The following MAP3K8 variants were observed in gnomAD, a reference collection of about 807,000 sequenced individuals.
MAP3K8 encodes Ewing sarcoma transformant.
Under a neutral mutation model 45.8 loss-of-function variants are expected in MAP3K8, and 22 were observed. The observed-to-expected ratio is 0.48, with a 90% confidence interval of 0.34 to 0.69. MAP3K8 has a LOEUF of 0.69. MAP3K8 is among the 30% of genes least tolerant of loss of function. The pLI, the probability that MAP3K8 is intolerant of heterozygous loss-of-function variation, is 0.01. For missense variants in MAP3K8, 419 were observed against 585.0 expected (o/e 0.72, Z 2.93); for synonymous variants, 223 against 214.3 (o/e 1.04, Z -0.36).
chr10:30,446,511 G>A (rs1215958106), intron 3 of MAP3K8, among the ~76,000 whole-genome samples: 1 of 149,668 alleles, frequency 6.7e-6, no homozygotes, highest in Non-Finnish European at 1.5e-5. Context: ...CTCCAGCCTA[G>A]GCAACAGAGC....
At chr10:30,448,047 AT>A in intron 4 of MAP3K8, 98 bp downstream of exon 4, 1 of 1,111,892 alleles carries the variant, frequency 9.0e-7, no homozygotes, top group Non-Finnish European at 1.3e-6. Context: ...TTATCGTTTG[AT>A]TGGGTCTTAT....
intron 6 of MAP3K8, among the ~76,000 whole-genome samples, chr10:30,453,954 A>AGGAAGGAAGGAAGGAG (rs1329532399): frequency 4.8e-4 from 65 of 134,814 alleles, no homozygotes; most frequent in African/African-American, 1.1e-3. Context: ...GAAGGAAGGA[A>AGGAAGGAAGGAAGGAG]GGAGAAAGAA....
chr10:30,439,569 A>T (rs996606806), intron 3 of MAP3K8: 2 of 538,372 alleles, frequency 3.7e-6, no homozygotes, highest in Admixed American at 7.0e-5. Flanking sequence ...GCGCACTTGG[A>T]GAGGCCGAGG....
At chr10:30,434,697 C>T (rs1367039360) in intron 1 of MAP3K8, 2 of 985,428 alleles carry the variant, frequency 2.0e-6, no homozygotes, top group Non-Finnish European at 2.4e-6. Context: ...GTCACTGCGC[C>T]TCCCGCTGCC....
At chr10:30,460,638 A>C (rs1055493083) in intron 8 of MAP3K8, 68 bp from the exon 9 acceptor site, 23 of 1,329,432 alleles carry the variant, frequency 1.7e-5, no homozygotes, top group Non-Finnish European at 2.4e-5. Context: ...ATTTCACTGC[A>C]GAAGGAACAG....
At chr10:30,457,270 T>C (rs190924953) in intron 6 of MAP3K8, among the ~76,000 whole-genome samples, 1 of 152,308 alleles carries the variant, frequency 6.6e-6, no homozygotes, top group African/African-American at 2.4e-5. Flanking sequence ...ATGGCTGCAT[T>C]TAATATTTAG....
chr10:30,445,356 A>C (rs1050698286), intron 3 of MAP3K8, among the ~76,000 whole-genome samples: 1 of 152,124 alleles, frequency 6.6e-6, no homozygotes, highest in Non-Finnish European at 1.5e-5. Flanking sequence ...AAGATCTGCC[A>C]CTCCACTCCA....
chr10:30,447,600 C>T (rs1262260397), intron 3 of MAP3K8, among the ~76,000 whole-genome samples, 182 bp from the exon 4 acceptor site: 5 of 152,152 alleles, frequency 3.3e-5, no homozygotes, highest in Admixed American at 3.3e-4. Context: ...TACATGCTCT[C>T]TCTGACTTCC....
intron 6 of MAP3K8, among the ~76,000 whole-genome samples, chr10:30,452,062 G>C (rs890153842): frequency 2.0e-5 from 3 of 152,094 alleles, no homozygotes; most frequent in African/African-American, 7.2e-5. Flanking sequence ...GGCCAGGTGT[G>C]GTGGCTAATG....
chr10:30,454,161 T>C (rs945438543), intron 6 of MAP3K8, among the ~76,000 whole-genome samples: 2 of 152,058 alleles, frequency 1.3e-5, no homozygotes, highest in Non-Finnish European at 2.9e-5. Flanking sequence ...GCCCTTCTCT[T>C]TGCTGGAAGT....
chr10:30,436,800 C>T lies in MAP3K8; in HGVS notation c.-254-376C>T, dbSNP rs576634589. ...CTTTCTTTCTTGAGTCATGTTAGTA[C>T]TGAGAACTTTTTTTTTTTCTGTCAA... On this transcript the variant is annotated intron_variant, in intron 1 of 8. Coordinates refer to ENST00000263056, the MANE Select transcript of MAP3K8 (RefSeq NM_005204.4). Among the ~76,000 whole-genome samples, 369 of 111,536 alleles carry T rather than the reference C, an allele frequency of 3.3e-3. 1 individual carries two copies. The highest frequency in any genetic ancestry group is 0.012 in the African/African-American group (346 of 28,874). 73.2% of individuals were successfully genotyped at this position (111,536 alleles called of 152,430 possible). A position where few individuals can be genotyped will look rare whatever the true frequency, so the allele number is the denominator to read the frequency against.
chr10:30,449,287 C>T (rs1337967225), intron 4 of MAP3K8, among the ~76,000 whole-genome samples: 3 of 152,148 alleles, frequency 2.0e-5, no homozygotes, highest in African/African-American at 7.2e-5. Context: ...CTCTGTCGCC[C>T]AGGCTGGAGT....
chr10:30,450,929 A>C (rs1044519556), intron 5 of MAP3K8, among the ~76,000 whole-genome samples: 14 of 144,912 alleles, frequency 9.7e-5, no homozygotes, highest in African/African-American at 3.0e-4. Flanking sequence ...TAAAAATACA[A>C]AAAAAAAAAA....
In MAP3K8 at chr10:30,438,899, T is replaced by C. The variant is rs754151678; in HGVS notation, c.-23-17T>C. Reference sequence around the variant, plus strand: ...ATACAAATATCGTAAACTAAATATTTGTGTTTTCTTTCCTAGACTCTCCAG... The same window carrying C: ...ATACAAATATCGTAAACTAAATATTCGTGTTTTCTTTCCTAGACTCTCCAG... On this transcript the variant is annotated splice_polypyrimidine_tract_variant and intron_variant, in intron 2 of 8. Transcript: ENST00000263056. 1 of 1,350,862 alleles carries C rather than the reference T, an allele frequency of 7.4e-7. No homozygotes were observed. The highest frequency in any genetic ancestry group is 1.0e-6 in the Non-Finnish European group (1 of 979,728). 83.7% of individuals were successfully genotyped at this position (1,350,862 alleles called of 1,614,324 possible).
At position 30,461,827 on chromosome 10, in the gene MAP3K8, T is replaced by G. The variant is rs556001444; in HGVS notation, c.*991T>G. ...AATCAACTGAATAAATTCAGTATTTTGCCTTAGTTGTTGTGAAGCCTGTGA... is the reference window on the plus strand; with the variant it reads ...AATCAACTGAATAAATTCAGTATTTGGCCTTAGTTGTTGTGAAGCCTGTGA... On this transcript the variant is annotated 3_prime_UTR_variant, in exon 9 of 9. Transcript: ENST00000263056. The G allele has an allele frequency of 5.6e-6, 1 of 179,736 alleles. No individual in the cohort carries two copies. Among genetic ancestry groups the G allele is most frequent in the South Asian group, 2.0e-4 (1 of 5,060 alleles). The allele number at this position is 179,736 out of a possible 1,614,324, so 11.1% of individuals were successfully genotyped here.
At chr10:30,452,750 T>G (rs371268599) in intron 6 of MAP3K8, among the ~76,000 whole-genome samples, 2 of 152,174 alleles carry the variant, frequency 1.3e-5, no homozygotes, top group East Asian at 3.9e-4. Flanking sequence ...GCGCATGATC[T>G]CAGCTCACTG....
At position 30,450,527 on chromosome 10, in the gene MAP3K8, TC is replaced by T. The variant is rs762777399; in HGVS notation, c.766+9del. 2 of 1,613,726 alleles carry T rather than the reference TC, an allele frequency of 1.2e-6. No individual in the cohort carries two copies. The highest frequency in any genetic ancestry group is 1.7e-6 in the Non-Finnish European group (2 of 1,179,704). ...TCCATCATGATATTAAACGTAAGTA[TC>T]TTTGGACATATACCTTTTTGGCTCA... On this transcript the variant is annotated intron_variant, in intron 5 of 8. Coordinates refer to ENST00000263056, the MANE Select transcript of MAP3K8 (RefSeq NM_005204.4).
rs536891648 is a variant in MAP3K8, at chr10:30,458,251, A to G, written c.1026+15A>G. On this transcript the variant is annotated intron_variant, in intron 7 of 8. Transcript: ENST00000263056. ...ACCTGTACATAGTAAGTGGGGTTCAACCAGGGCTGGGGGCGGCGGGGGGGG... is the reference window on the plus strand; with the variant it reads ...ACCTGTACATAGTAAGTGGGGTTCAGCCAGGGCTGGGGGCGGCGGGGGGGG... 8 of 696,296 alleles carry G rather than the reference A, an allele frequency of 1.1e-5. No homozygotes were observed. The Admixed American group carries it at 1.7e-4, about 15-fold the overall frequency. The allele number at this position is 696,296 out of a possible 1,614,324, so 43.1% of individuals were successfully genotyped here. A position where few individuals can be genotyped will look rare whatever the true frequency, so the allele number is the denominator to read the frequency against.
At chr10:30,455,742 G>T (rs1029618637) in intron 6 of MAP3K8, among the ~76,000 whole-genome samples, 1 of 152,152 alleles carries the variant, frequency 6.6e-6, no homozygotes, top group Non-Finnish European at 1.5e-5. Flanking sequence ...TGAAGGGTTC[G>T]ATCGCTGACA....
Sources: gnomAD v4.1 joint callset for allele counts (sites outside exome capture counted in the v4.1 genomes callset) on GRCh38, gnomAD v4.1.1 for gene constraint, MANE v1.5 for transcripts, NCBI Gene and HGNC (gene_info 2026-07-23, HGNC 2026-07-21) for gene names.